MARCHF11: variants seen among roughly 807,000 people sequenced by gnomAD.
The protein encoded by MARCHF11 is membrane associated ring-CH-type finger 11.
MARCHF11 carries 29 observed loss-of-function variants against 37.3 expected under a neutral mutation model. The observed-to-expected ratio is 0.78, with a 90% CI of 0.58 to 1.06. The LOEUF is 1.06. Ranked by LOEUF, MARCHF11 falls within the 50% of genes least tolerant of loss-of-function variation. The pLI is 0.00. For missense variants in MARCHF11, 482 were observed against 533.4 expected (o/e 0.90, Z 0.95); for synonymous variants, 233 against 228.0 (o/e 1.02, Z -0.20).
At chr5:16,162,602 T>C (rs1387342878) in intron 2 of MARCHF11, among the ~76,000 whole-genome samples, 1 of 152,050 alleles carries the variant, frequency 6.6e-6, no homozygotes, top group Non-Finnish European at 1.5e-5. Flanking sequence ...TTATGATTAG[T>C]TCTTTTACTT....
At chr5:16,142,411 C>T (rs1199101173) in intron 2 of MARCHF11, among the ~76,000 whole-genome samples, 1 of 152,154 alleles carries the variant, frequency 6.6e-6, no homozygotes, top group Non-Finnish European at 1.5e-5. Context: ...TTTCAAAAAT[C>T]CTTCTTCTGA....
At chr5:16,092,542 A>C (rs1736804304) in intron 2 of MARCHF11, among the ~76,000 whole-genome samples, 1 of 152,170 alleles carries the variant, frequency 6.6e-6, no homozygotes, top group South Asian at 2.1e-4. Flanking sequence ...CAATGAGAAC[A>C]CATGGACACA....
intron 2 of MARCHF11, among the ~76,000 whole-genome samples, chr5:16,104,956 C>T (rs1290607947): frequency 1.3e-5 from 2 of 152,196 alleles, no homozygotes; most frequent in Admixed American, 1.3e-4. Flanking sequence ...CCACATCCCA[C>T]AGTGCCTGGG....
intron 3 of MARCHF11, among the ~76,000 whole-genome samples, chr5:16,082,038 A>AT (rs1736617756): frequency 6.6e-6 from 1 of 152,096 alleles, no homozygotes. Flanking sequence ...AAAGCCCATA[A>AT]TTTGTACCTC....
intron 2 of MARCHF11, among the ~76,000 whole-genome samples, chr5:16,107,121 C>T (rs1365751193): frequency 1.3e-5 from 2 of 152,150 alleles, no homozygotes; most frequent in African/African-American, 2.4e-5. Flanking sequence ...ACAAACATTC[C>T]AAAATAACAA....
chr5:16,160,817 A>C (rs993988375), intron 2 of MARCHF11, among the ~76,000 whole-genome samples: 3 of 151,970 alleles, frequency 2.0e-5, no homozygotes, highest in Non-Finnish European at 4.4e-5. Flanking sequence ...ATTTTCCAAA[A>C]AGGTGAAAAA....
chr5:16,123,294 C>T (rs1189325331), intron 2 of MARCHF11, among the ~76,000 whole-genome samples: 1 of 152,024 alleles, frequency 6.6e-6, no homozygotes, highest in East Asian at 1.9e-4. Flanking sequence ...AATGACTGGT[C>T]TCCTTATAAG....
At chr5:16,107,647 G>A (rs990627069) in intron 2 of MARCHF11, among the ~76,000 whole-genome samples, 1 of 152,018 alleles carries the variant, frequency 6.6e-6, no homozygotes, top group African/African-American at 2.4e-5. Context: ...GTGACAACAG[G>A]CATTCTTGTT....
intron 2 of MARCHF11, among the ~76,000 whole-genome samples, chr5:16,105,374 CAA>C (rs1314842297): frequency 6.6e-6 from 1 of 152,126 alleles, no homozygotes; most frequent in Non-Finnish European, 1.5e-5. Flanking sequence ...AACAAACAAA[CAA>C]ATGCGTTTCT....
chr5:16,073,896 G>A (rs1216101313), intron 3 of MARCHF11, among the ~76,000 whole-genome samples: 1 of 152,116 alleles, frequency 6.6e-6, no homozygotes, highest in African/African-American at 2.4e-5. Flanking sequence ...TAGAACAGAT[G>A]GACTTAATAG....
intron 2 of MARCHF11, among the ~76,000 whole-genome samples, chr5:16,121,393 C>G (rs1342681501): frequency 6.6e-6 from 1 of 152,206 alleles, no homozygotes; most frequent in Non-Finnish European, 1.5e-5. Context: ...ATCCCTATGT[C>G]TCCAGTAACT....
intron 2 of MARCHF11, among the ~76,000 whole-genome samples, chr5:16,096,348 A>T (rs2126560497): frequency 6.6e-6 from 1 of 152,352 alleles, no homozygotes; most frequent in South Asian, 2.1e-4. Flanking sequence ...AAACTCAAGG[A>T]GTTATATCTC....
chr5:16,139,123 G>A (rs1302268700), intron 2 of MARCHF11, among the ~76,000 whole-genome samples: 1 of 152,156 alleles, frequency 6.6e-6, no homozygotes, highest in Non-Finnish European at 1.5e-5. Context: ...GAATGATATG[G>A]CTTGGCTATG....
chr5:16,160,316 A>AT, intron 2 of MARCHF11, among the ~76,000 whole-genome samples: 1 of 19,582 alleles, frequency 5.1e-5, no homozygotes, highest in South Asian at 2.7e-3. Context: ...AATATTTAAT[A>AT]TAAACATTTA....
intron 2 of MARCHF11, among the ~76,000 whole-genome samples, chr5:16,164,975 AC>A (rs1181027689): frequency 6.6e-6 from 1 of 151,940 alleles, no homozygotes; most frequent in African/African-American, 2.4e-5. Context: ...ATAACTTCCC[AC>A]TGCTCTTGAA....
intron 2 of MARCHF11, among the ~76,000 whole-genome samples, chr5:16,137,910 C>T (rs542446056): frequency 6.6e-6 from 1 of 152,160 alleles, no homozygotes; most frequent in Non-Finnish European, 1.5e-5. Context: ...CATGATGTGA[C>T]TTGGGTGCTC....
At chr5:16,160,298 AT>A (rs1738049468) in intron 2 of MARCHF11, among the ~76,000 whole-genome samples, 2 of 127,878 alleles carry the variant, frequency 1.6e-5, no homozygotes, top group Non-Finnish European at 3.3e-5. Context: ...ATTTATATTT[AT>A]ATATTTAATA....
chr5:16,105,387 A>G (rs1737020598), intron 2 of MARCHF11, among the ~76,000 whole-genome samples: 1 of 152,220 alleles, frequency 6.6e-6, no homozygotes. Context: ...ATGCGTTTCT[A>G]TGAGTTCCTA....
intron 2 of MARCHF11, among the ~76,000 whole-genome samples, chr5:16,164,938 T>C (rs1214446730): frequency 8.5e-5 from 13 of 152,054 alleles, no homozygotes; most frequent in African/African-American, 2.7e-4. Context: ...ATTATTACTA[T>C]GTTATTTCTC....
Sources: gnomAD v4.1 joint callset for allele counts (sites outside exome capture counted in the v4.1 genomes callset) on GRCh38, gnomAD v4.1.1 for gene constraint, MANE v1.5 for transcripts, NCBI Gene and HGNC (gene_info 2026-07-23, HGNC 2026-07-21) for gene names.